The following ROBO1 variants were observed in gnomAD, a reference collection of about 807,000 sequenced individuals.
ROBO1 encodes the protein roundabout homolog 1.
ROBO1 carries 149 observed loss-of-function variants against 195.9 expected under a neutral mutation model. The ratio of observed to expected loss-of-function variants is 0.76; its 90% CI spans 0.67 to 0.87. The LOEUF (loss-of-function observed/expected upper bound fraction) is 0.87, where lower values mean the gene tolerates loss of function less well. Ranked by LOEUF, ROBO1 falls within the 40% of genes least tolerant of loss-of-function variation. The pLI, the probability that ROBO1 is intolerant of heterozygous loss-of-function variation, is 0.00. For missense variants in ROBO1, 1,933 were observed against 2,068.3 expected, an observed-to-expected ratio of 0.93 and a Z score of 1.27; for synonymous variants, 816 against 733.2, an observed-to-expected ratio of 1.11 and a Z score of -1.82.
chr3:79,344,712 TA>T (rs781561965), intron 2 of ROBO1, among the ~76,000 whole-genome samples: 1 of 152,062 alleles, frequency 6.6e-6, no homozygotes, highest in Non-Finnish European at 1.5e-5. Context: ...TATATGCATA[TA>T]TATATATGGA....
rs184037570 is a variant in ROBO1, at chr3:79,227,108, G to C, written c.89-101569C>G. ...CACACTTAACATCTTTGTCCTTTTT[G>C]CAACTTTTGACAATGGTGAATATTT... On this transcript the variant is annotated intron_variant, in intron 2 of 30. Transcript: ENST00000464233. Among the ~76,000 whole-genome samples the C allele has an allele frequency of 2.0e-5, 3 of 152,042 alleles. No individual in the cohort carries two copies. In the East Asian group the frequency reaches 5.8e-4, roughly 29 times the overall value.
chr3:79,161,682 G>A (rs551986028), intron 2 of ROBO1, among the ~76,000 whole-genome samples: 11 of 152,154 alleles, frequency 7.2e-5, no homozygotes, highest in Middle Eastern at 3.4e-3. Context: ...AATGCTATTT[G>A]TAAACAAACA....
At chr3:78,947,767 G>A (rs2040531541) in intron 3 of ROBO1, among the ~76,000 whole-genome samples, 1 of 152,056 alleles carries the variant, frequency 6.6e-6, no homozygotes, top group South Asian at 2.1e-4. Flanking sequence ...AAAACTGATA[G>A]ACCGCTAGCA....
intron 5 of ROBO1, among the ~76,000 whole-genome samples, chr3:78,737,486 C>T (rs368617855): frequency 3.9e-5 from 6 of 152,074 alleles, no homozygotes; most frequent in South Asian, 2.1e-4. Context: ...TGCATTTTCT[C>T]GCTGAATTCC....
chr3:78,681,387 G>T (rs375903194), intron 10 of ROBO1, among the ~76,000 whole-genome samples: 1 of 152,152 alleles, frequency 6.6e-6, no homozygotes, highest in East Asian at 1.9e-4. Context: ...TGGTTGGATA[G>T]TAGCAAGCAT....
At chr3:78,823,750 C>G (rs371637697) in intron 4 of ROBO1, among the ~76,000 whole-genome samples, 5 of 152,162 alleles carry the variant, frequency 3.3e-5, no homozygotes, top group Non-Finnish European at 1.5e-5. Context: ...CATACTTACC[C>G]TTTTTGTTTC....
chr3:78,946,051 G>C (rs1449508798), intron 3 of ROBO1, among the ~76,000 whole-genome samples: 2 of 152,156 alleles, frequency 1.3e-5, no homozygotes. Context: ...TCTGATTGGT[G>C]TACCTGAAAG....
At chr3:79,084,156 G>C (rs912442767) in intron 3 of ROBO1, among the ~76,000 whole-genome samples, 1 of 152,074 alleles carries the variant, frequency 6.6e-6, no homozygotes, top group Non-Finnish European at 1.5e-5. Flanking sequence ...GTTTTTTTCT[G>C]TGTGTGGCAA....
intron 1 of ROBO1, among the ~76,000 whole-genome samples, chr3:79,738,811 C>G (rs1175425299): frequency 2.0e-5 from 3 of 152,142 alleles, no homozygotes; most frequent in African/African-American, 7.2e-5. Flanking sequence ...CCCCGGCAGA[C>G]TGCATCCTGA....
rs1216882310 is a variant in ROBO1 at position 78,938,770 on chromosome 3, T to G, written c.330A>C (p.Thr110=). The G allele has an allele frequency of 3.7e-6, 6 of 1,614,026 alleles. No homozygotes were observed. Among genetic ancestry groups the G allele is most frequent in the Non-Finnish European group, 5.1e-6 (6 of 1,179,902 alleles). The part of the protein sequence containing the change: ...EWYKGGERVE[T]DKDDPRSHRM... ...GGTGTGAGCGAGGGTCATCTTTGTC[T>G]GTCTCCACTCTCTCTCCCCCTTTGT... Residue 110 remains threonine, a synonymous_variant, in exon 4 of 31, where the codon ACA becomes ACC. Transcript: ENST00000464233.
intron 1 of ROBO1, among the ~76,000 whole-genome samples, chr3:79,699,379 A>T (rs986925034): frequency 1.3e-5 from 2 of 151,624 alleles, no homozygotes; most frequent in Non-Finnish European, 3.0e-5. Flanking sequence ...GGTTTGTCTG[A>T]CATCTGAAAA....
In ROBO1 at chr3:79,212,648, G is replaced by A. The variant is rs541628267; in HGVS notation, c.89-87109C>T. Among the ~76,000 whole-genome samples the A allele has an allele frequency of 8.6e-5, 13 of 151,794 alleles. No individual in the cohort carries two copies. In the East Asian group the frequency reaches 1.8e-3, roughly 21 times the overall value. On this transcript the variant is annotated intron_variant, in intron 2 of 30. Coordinates refer to ENST00000464233, the MANE Select transcript of ROBO1 (RefSeq NM_002941.4). The stretch of plus-strand genomic sequence containing the variant: ...CAGCCTGGGTAACACGGTGAAACCC[G>A]TCTCTACTAAAAATACAAAATATTA...
chr3:79,461,530 C>T (rs546922793), intron 2 of ROBO1, among the ~76,000 whole-genome samples: 1 of 152,312 alleles, frequency 6.6e-6, no homozygotes, highest in Non-Finnish European at 1.5e-5. Flanking sequence ...GTCATCCATA[C>T]ATTATTGTAT....
chr3:79,211,314 A>G (rs1428459663), intron 2 of ROBO1, among the ~76,000 whole-genome samples: 1 of 152,140 alleles, frequency 6.6e-6, no homozygotes, highest in East Asian at 1.9e-4. Context: ...GGTTGCCTAT[A>G]TGTTCTATCA....
intron 5 of ROBO1, among the ~76,000 whole-genome samples, chr3:78,736,743 G>A (rs1215423247): frequency 6.6e-6 from 1 of 152,142 alleles, no homozygotes; most frequent in Non-Finnish European, 1.5e-5. Context: ...TTAGTTTACT[G>A]CAATCCTTTC....
intron 4 of ROBO1, among the ~76,000 whole-genome samples, chr3:78,828,456 T>C (rs1388608127): frequency 2.0e-5 from 3 of 152,180 alleles, no homozygotes; most frequent in African/African-American, 4.8e-5. Context: ...AAATCTTGCA[T>C]GTATCCAAGC....
At chr3:79,166,732 AT>A (rs574187614) in intron 2 of ROBO1, among the ~76,000 whole-genome samples, 6 of 151,338 alleles carry the variant, frequency 4.0e-5, no homozygotes, top group Non-Finnish European at 8.9e-5. Flanking sequence ...CGCCTGGCTA[AT>A]TTTTTTTGTA....
At chr3:78,738,568 C>T (rs2082447891) in intron 5 of ROBO1, among the ~76,000 whole-genome samples, 1 of 152,078 alleles carries the variant, frequency 6.6e-6, no homozygotes, top group Non-Finnish European at 1.5e-5. Flanking sequence ...TATTCACTAT[C>T]ACTCATACAC....
intron 2 of ROBO1, among the ~76,000 whole-genome samples, chr3:79,346,657 C>G (rs4264692): frequency 0.23 from 35,618 of 151,794 alleles, 7,039 homozygotes; most frequent in African/African-American, 0.55. Flanking sequence ...ATATTAGTAT[C>G]AACTTTTCAA....
Sources: allele counts gnomAD v4.1 joint callset (sites outside exome capture counted in the v4.1 genomes callset), GRCh38; gene constraint gnomAD v4.1.1; transcripts MANE v1.5; gene names NCBI Gene and HGNC (gene_info 2026-07-23, HGNC 2026-07-21).